Variants in ATAD1 observed in about 807,000 individuals in gnomAD.
ATAD1 encodes outer mitochondrial transmembrane helix translocase.
Under a neutral mutation model 42.7 loss-of-function variants are expected in ATAD1, and 18 were observed. That is an observed-to-expected ratio of 0.42 (90% CI 0.29 to 0.63). ATAD1 has a LOEUF of 0.63. Among genes scored for constraint, ATAD1 ranks in the 20% least tolerant of loss-of-function variants. The pLI, the probability that ATAD1 is intolerant of heterozygous loss-of-function variation, is 0.19. For missense variants in ATAD1, 294 were observed against 440.4 expected (o/e 0.67, Z 2.98); for synonymous variants, 132 against 143.1 (o/e 0.92, Z 0.55).
At chr10:87,767,648 GA>G (rs1854823615) in intron 8 of ATAD1, 24 bp downstream of exon 8, 4 of 1,589,756 alleles carry the variant, frequency 2.5e-6, no homozygotes, top group Non-Finnish European at 3.4e-6. Context: ...ATAGGACGGG[GA>G]AAAAATTTTT....
At chr10:87,767,049 A>G (rs1244521054) in intron 8 of ATAD1, among the ~76,000 whole-genome samples, 4 of 152,190 alleles carry the variant, frequency 2.6e-5, no homozygotes, top group African/African-American at 4.8e-5. Flanking sequence ...AGTAAAAAAC[A>G]ACGACAAAAA....
At chr10:87,814,314 A>G in intron 2 of ATAD1, 124 bp downstream of exon 2, 1 of 807,318 alleles carries the variant, frequency 1.2e-6, no homozygotes, top group Non-Finnish European at 1.8e-6. Context: ...TATGAGTACC[A>G]ATACATTTTC....
intron 6 of ATAD1, among the ~76,000 whole-genome samples, chr10:87,772,453 A>C (rs969758167): frequency 2.0e-5 from 3 of 152,166 alleles, no homozygotes; most frequent in African/African-American, 4.8e-5. Context: ...TTAATAAAAA[A>C]GAAAAAATTT....
intron 2 of ATAD1, among the ~76,000 whole-genome samples, chr10:87,793,227 C>T (rs1856213834): frequency 6.6e-6 from 1 of 152,174 alleles, no homozygotes; most frequent in African/African-American, 2.4e-5. Flanking sequence ...CAGGTATCTA[C>T]AATAGATGGC....
At position 87,762,866 on chromosome 10, in the gene ATAD1, C is replaced by T. The variant is rs111941557; in HGVS notation, c.831+4807G>A. 7.3e-3 allele frequency among the ~76,000 whole-genome samples: 1,060 copies of T among 145,604 alleles called. 8 individuals carry two copies. The highest frequency in any genetic ancestry group is 0.025 in the African/African-American group (1,012 of 39,754). On this transcript the variant is annotated intron_variant, in intron 8 of 9. Coordinates refer to ENST00000680024, the MANE Select transcript of ATAD1 (RefSeq NM_001321967.2). ...CGGGCGGATCATGAGGTCAGGAGTC[C>T]GAGACCAGCCTGATCAACATGGTGA...
At chr10:87,780,506 A>G (rs961529970) in intron 5 of ATAD1, among the ~76,000 whole-genome samples, 6 of 152,216 alleles carry the variant, frequency 3.9e-5, no homozygotes, top group Non-Finnish European at 8.8e-5. Context: ...AGGAGAAACT[A>G]TATATCTGGG....
chr10:87,760,544 C>T (rs140626507), intron 8 of ATAD1, among the ~76,000 whole-genome samples: 205 of 152,212 alleles, frequency 1.3e-3, no homozygotes, highest in African/African-American at 4.6e-3. Flanking sequence ...TTCTTTATAG[C>T]GGTTTGAGAA....
chr10:87,805,456 TAAC>T (rs1435094868), intron 2 of ATAD1, among the ~76,000 whole-genome samples: 3 of 152,156 alleles, frequency 2.0e-5, no homozygotes, highest in African/African-American at 7.2e-5. Flanking sequence ...TTGAGAATAG[TAAC>T]AAAACAATTG....
intron 8 of ATAD1, among the ~76,000 whole-genome samples, chr10:87,762,953 C>T (rs1240699026): frequency 1.3e-4 from 19 of 147,318 alleles, no homozygotes; most frequent in South Asian, 2.2e-4. Context: ...TGGTGGCGCG[C>T]GCCTATAATC....
chr10:87,811,409 G>A (rs968948926), intron 2 of ATAD1, among the ~76,000 whole-genome samples: 44 of 151,886 alleles, frequency 2.9e-4, no homozygotes, highest in Admixed American at 1.8e-3. Flanking sequence ...TTTTCAGCAG[G>A]AGTCAGTCTT....
intron 8 of ATAD1, among the ~76,000 whole-genome samples, chr10:87,760,736 T>A (rs1277020578): frequency 2.6e-5 from 4 of 152,244 alleles, no homozygotes; most frequent in South Asian, 4.2e-4. Flanking sequence ...AGCTAGAATG[T>A]AGGAGACTGT....
chr10:87,816,497 T>C (rs1857419599), intron 1 of ATAD1, among the ~76,000 whole-genome samples: 1 of 152,202 alleles, frequency 6.6e-6, no homozygotes, highest in Non-Finnish European at 1.5e-5. Context: ...GCCCACTATA[T>C]ATTGGATATA....
At chr10:87,792,602 G>A (rs1336485712) in intron 3 of ATAD1, 55 bp downstream of exon 3, 2 of 1,310,546 alleles carry the variant, frequency 1.5e-6, no homozygotes, top group East Asian at 2.3e-5. Flanking sequence ...GACACAAAAT[G>A]CTAGAACCCA....
chr10:87,776,571 T>C (rs1855315807), intron 5 of ATAD1, 144 bp from the exon 6 acceptor site: 1 of 593,408 alleles, frequency 1.7e-6, no homozygotes, highest in Non-Finnish European at 3.0e-6. Context: ...CAGGCTTAAG[T>C]GATCCTCCTG....
chr10:87,765,299 G>A (rs1306408385), intron 8 of ATAD1, among the ~76,000 whole-genome samples: 2 of 152,082 alleles, frequency 1.3e-5, no homozygotes, highest in African/African-American at 4.8e-5. Context: ...TTTATACAGT[G>A]AGTTGTAACA....
chr10:87,763,721 C>CT (rs929755179), intron 8 of ATAD1, among the ~76,000 whole-genome samples: 48 of 147,886 alleles, frequency 3.2e-4, no homozygotes, highest in Admixed American at 1.3e-3. Flanking sequence ...TCTCTCCTCT[C>CT]TTTTTTTTTT....
At chr10:87,777,403 T>C (rs1366031210) in intron 5 of ATAD1, among the ~76,000 whole-genome samples, 1 of 152,186 alleles carries the variant, frequency 6.6e-6, no homozygotes, top group Non-Finnish European at 1.5e-5. Context: ...AAAGGTTTTA[T>C]GGAAATATAC....
intron 1 of ATAD1, among the ~76,000 whole-genome samples, chr10:87,840,904 T>C (rs1858020839): frequency 6.6e-6 from 1 of 152,180 alleles, no homozygotes; most frequent in African/African-American, 2.4e-5. Context: ...ATCCAGCTGA[T>C]AAGTTGTATT....
intron 8 of ATAD1, among the ~76,000 whole-genome samples, chr10:87,757,958 T>C (rs529253062): frequency 2.0e-5 from 3 of 152,326 alleles, no homozygotes; most frequent in Middle Eastern, 3.4e-3. Context: ...ATAAATCATG[T>C]TTTTTGATAA....
Sources: allele counts gnomAD v4.1 joint callset (sites outside exome capture counted in the v4.1 genomes callset), GRCh38; gene constraint gnomAD v4.1.1; transcripts MANE v1.5; gene names NCBI Gene and HGNC (gene_info 2026-07-23, HGNC 2026-07-21).